The following KCNH5 variants were observed in gnomAD, a reference collection of about 807,000 sequenced individuals.
KCNH5 encodes the protein voltage-gated delayed rectifier potassium channel KCNH5.
KCNH5 carries 46 observed loss-of-function variants against 96.1 expected under a neutral mutation model. That is an observed-to-expected ratio of 0.48 (90% CI 0.38 to 0.61). The LOEUF (loss-of-function observed/expected upper bound fraction) is 0.61. Ranked by LOEUF, KCNH5 falls within the 20% of genes least tolerant of loss-of-function variation. The probability of loss-of-function intolerance (pLI) is 0.00; values close to 1 mark genes in which losing one functional copy is unlikely to be tolerated. For synonymous variants in KCNH5, 439 were observed against 449.8 expected (o/e 0.98, Z 0.30); for missense variants, 907 against 1,225.8 (o/e 0.74, Z 3.88).
At chr14:62,908,819 A>C in intron 7 of KCNH5, among the ~76,000 whole-genome samples, 1 of 44,736 alleles carries the variant, frequency 2.2e-5, no homozygotes, top group African/African-American at 9.8e-5. Context: ...TTTTTGCTGT[A>C]ATAAATCTTA....
intron 2 of KCNH5, among the ~76,000 whole-genome samples, chr14:63,013,567 C>T (rs1037999828): frequency 1.3e-5 from 2 of 152,034 alleles, no homozygotes; most frequent in Non-Finnish European, 2.9e-5. Context: ...TCTAAATGTG[C>T]ACCTCATTTT....
chr14:62,862,448 T>G (rs566470797), intron 7 of KCNH5, among the ~76,000 whole-genome samples: 1 of 152,322 alleles, frequency 6.6e-6, no homozygotes, highest in South Asian at 2.1e-4. Flanking sequence ...TCCCTTGTGG[T>G]GGGTTTAAAA....
chr14:62,840,550 C>CTT (rs140344558), intron 8 of KCNH5, among the ~76,000 whole-genome samples: 8,929 of 122,914 alleles, frequency 0.073, 580 homozygotes, highest in East Asian at 0.21. Context: ...TTTTGTTTTT[C>CTT]TTTTTTCTTT....
At chr14:63,036,878 C>A (rs1205316512) in intron 1 of KCNH5, among the ~76,000 whole-genome samples, 2 of 151,934 alleles carry the variant, frequency 1.3e-5, no homozygotes, top group African/African-American at 4.8e-5. Flanking sequence ...AGTTTCAAAC[C>A]TTGCAAAGTC....
At chr14:62,785,913 C>T (rs1441047833) in intron 9 of KCNH5, among the ~76,000 whole-genome samples, 2 of 152,140 alleles carry the variant, frequency 1.3e-5, no homozygotes, top group Non-Finnish European at 2.9e-5. Context: ...CACAGTTAGG[C>T]AGGGCACGGT....
At chr14:62,751,559 A>G (rs1057188458) in intron 10 of KCNH5, among the ~76,000 whole-genome samples, 1 of 152,178 alleles carries the variant, frequency 6.6e-6, no homozygotes, top group African/African-American at 2.4e-5. Context: ...TTCCATGGCC[A>G]GTTTTCTAAC....
At position 62,840,007 on chromosome 14, in the gene KCNH5, G is replaced by A. The variant is rs867329442; in HGVS notation, c.1569+9646C>T. 1.2e-4 allele frequency among the ~76,000 whole-genome samples: 19 copies of A among 152,034 alleles called. No homozygotes were observed. In the Middle Eastern group the frequency reaches 0.01, roughly 82 times the overall value. On this transcript the variant is annotated intron_variant, in intron 8 of 10. Coordinates refer to ENST00000322893, the MANE Select transcript of KCNH5 (RefSeq NM_139318.5). ...GCATCATCACAATATAAAATCATAT[G>A]TTTATCAGGGTAACTATTGAAGATT...
At chr14:63,041,646 T>C (rs1169739061) in intron 1 of KCNH5, among the ~76,000 whole-genome samples, 1 of 152,202 alleles carries the variant, frequency 6.6e-6, no homozygotes, top group Admixed American at 6.5e-5. Context: ...TCTTATCTTT[T>C]ATCTTTAAAC....
At chr14:62,933,100 G>A (rs767882360) in intron 7 of KCNH5, among the ~76,000 whole-genome samples, 2 of 152,272 alleles carry the variant, frequency 1.3e-5, no homozygotes, top group Non-Finnish European at 2.9e-5. Flanking sequence ...TCAAGCCTGG[G>A]ATAGTGCAAC....
chr14:62,850,198 A>T (rs1887777650), intron 7 of KCNH5, among the ~76,000 whole-genome samples: 1 of 152,216 alleles, frequency 6.6e-6, no homozygotes, highest in African/African-American at 2.4e-5. Flanking sequence ...TAGTAGATTA[A>T]AGTTATCCTC....
At chr14:62,981,295 C>CA in intron 5 of KCNH5, 31 bp from the exon 6 acceptor site, 1 of 1,603,070 alleles carries the variant, frequency 6.2e-7, no homozygotes, top group South Asian at 1.1e-5. Context: ...TTATACATGA[C>CA]TAGGTTATCT....
At chr14:62,946,401 T>A (rs967208175) in intron 7 of KCNH5, among the ~76,000 whole-genome samples, 2 of 152,160 alleles carry the variant, frequency 1.3e-5, no homozygotes, top group African/African-American at 4.8e-5. Flanking sequence ...CATACACTTA[T>A]CACATGTCCC....
chr14:62,791,403 A>G (rs1886431722), intron 9 of KCNH5, among the ~76,000 whole-genome samples: 1 of 151,674 alleles, frequency 6.6e-6, no homozygotes, highest in Non-Finnish European at 1.5e-5. Context: ...CAATGACAAA[A>G]GGGCAAGAAT....
rs1445602340 is a variant in KCNH5, at chr14:62,702,428, T to C, written c.*5080A>G. 1 of 152,066 alleles carries C rather than the reference T, an allele frequency of 6.6e-6. No homozygotes were observed. The highest frequency in any genetic ancestry group is 1.5e-5 in the Non-Finnish European group (1 of 67,902). 9.4% of individuals were successfully genotyped at this position (152,066 alleles called of 1,614,324 possible). On this transcript the variant is annotated 3_prime_UTR_variant, in exon 11 of 11. Coordinates refer to ENST00000322893, the MANE Select transcript of KCNH5 (RefSeq NM_139318.5). ...TGGTTGAACTAGATAGTTCTTGTAA[T>C]GTCAGTATTCTACAAAATAAAGGTT...
intron 7 of KCNH5, among the ~76,000 whole-genome samples, chr14:62,880,218 A>G (rs1201489207): frequency 6.6e-6 from 1 of 152,166 alleles, no homozygotes; most frequent in Non-Finnish European, 1.5e-5. Flanking sequence ...TTTTCTATGG[A>G]ATAGACAGTG....
At chr14:62,723,488 G>C (rs575953357) in intron 10 of KCNH5, among the ~76,000 whole-genome samples, 3 of 152,210 alleles carry the variant, frequency 2.0e-5, no homozygotes, top group African/African-American at 7.2e-5. Context: ...GTAATATTGT[G>C]GTATTTGATA....
intron 7 of KCNH5, among the ~76,000 whole-genome samples, chr14:62,939,765 C>T (rs1241912998): frequency 6.6e-6 from 1 of 152,022 alleles, no homozygotes; most frequent in Admixed American, 6.6e-5. Context: ...CGTGGTGAAA[C>T]CCCCAACTCT....
At chr14:62,750,630 T>G (rs773890494) in intron 10 of KCNH5, among the ~76,000 whole-genome samples, 1 of 152,214 alleles carries the variant, frequency 6.6e-6, no homozygotes, top group East Asian at 1.9e-4. Context: ...CAGCATCTAA[T>G]AGATTTAGAA....
chr14:62,819,501 C>A (rs1887070990), intron 8 of KCNH5, among the ~76,000 whole-genome samples: 2 of 151,986 alleles, frequency 1.3e-5, no homozygotes, highest in African/African-American at 4.8e-5. Flanking sequence ...AATGGGAATT[C>A]TTTGGGGGAT....
Sources: allele counts gnomAD v4.1 joint callset (sites outside exome capture counted in the v4.1 genomes callset), GRCh38; gene constraint gnomAD v4.1.1; transcripts MANE v1.5; gene names NCBI Gene and HGNC (gene_info 2026-07-23, HGNC 2026-07-21).